The following MSR1 variants were observed in gnomAD, a reference collection of about 807,000 sequenced individuals.
MSR1 encodes the protein macrophage scavenger receptor types I and II.
A neutral mutation model predicts 47.2 loss-of-function variants in MSR1; 53 were observed. That is an observed-to-expected ratio of 1.12 (90% CI 0.90 to 1.41). The LOEUF (loss-of-function observed/expected upper bound fraction) is 1.41, where lower values mean the gene tolerates loss of function less well. Among genes scored for constraint, MSR1 ranks in the 40% most tolerant of loss-of-function variants. The pLI is 0.00. For missense variants in MSR1, 786 were observed against 546.9 expected, an observed-to-expected ratio of 1.44 and a Z score of -4.36; for synonymous variants, 239 against 185.6, an observed-to-expected ratio of 1.29 and a Z score of -2.34.
In MSR1 at chr8:16,120,522, G is replaced by T; in HGVS notation, c.1118C>A (p.Thr373Lys). The T allele has an allele frequency of 6.2e-7, 1 of 1,608,260 alleles. No homozygotes were observed. The change falls in exon 9 of 10, where the codon ACA (threonine) becomes AAA (lysine). Residue 373 changes from threonine (T) to lysine (K), a missense_variant. Thr to Lys is a moderately conservative substitution (Grantham distance 78). Transcript: ENST00000262101. The stretch of plus-strand genomic sequence containing the variant: ...CACTTCCCAGCGATCGTCACAAATT[G>T]TACCCCACTGGCCGCTGTGGAGTAT... ...VEILHSGQWG[T>K]ICDDRWEVRV...
intron 8 of MSR1, among the ~76,000 whole-genome samples, chr8:16,139,148 T>C (rs1168797548): frequency 2.0e-5 from 3 of 152,234 alleles, no homozygotes; most frequent in Non-Finnish European, 4.4e-5. Context: ...CTATCTAATA[T>C]AAAATCTTTT....
At chr8:16,145,872 T>C (rs570620744) in intron 7 of MSR1, among the ~76,000 whole-genome samples, 124 of 152,256 alleles carry the variant, frequency 8.1e-4, no homozygotes, top group African/African-American at 2.9e-3. Context: ...TGGTTAAAAA[T>C]GAATGCAAGG....
chr8:16,164,005 C>T, intron 5 of MSR1, 60 bp downstream of exon 5: 2 of 1,290,450 alleles, frequency 1.5e-6, no homozygotes, highest in South Asian at 1.4e-5. Flanking sequence ...CAAATCTCTG[C>T]ATGTATCAGT....
intron 3 of MSR1, among the ~76,000 whole-genome samples, chr8:16,172,390 C>G (rs1801511109): frequency 6.6e-6 from 1 of 152,076 alleles, no homozygotes; most frequent in South Asian, 2.1e-4. Context: ...TGAGTGAAAA[C>G]TAATTTTTCT....
Position 16,155,132 on chromosome 8 carries a change from G to A in MSR1, c.830C>T (p.Pro277Leu), listed in dbSNP as rs746464652. ...ACCTCGATCTCCTTTTTCACCCGGGGGTCCAGGAGGACCTTTAAAAAAATT... is the reference window on the plus strand; with the variant it reads ...ACCTCGATCTCCTTTTTCACCCGGGAGTCCAGGAGGACCTTTAAAAAAATT... ...NITLIQGPPG[P>L]PGEKGDRGPT... Residue 277 changes from proline (P) to leucine (L), a missense_variant, in exon 6 of 10, where the codon CCC (proline) becomes CTC (leucine). Pro to Leu is a moderately conservative substitution (Grantham distance 98, BLOSUM62 -3). Transcript: ENST00000262101. The A allele has an allele frequency of 2.5e-6, 4 of 1,611,470 alleles. No homozygotes were observed. Among genetic ancestry groups the A allele is most frequent in the Middle Eastern group, 1.7e-4 (1 of 6,050 alleles).
chr8:16,187,009 A>C (rs557854881), intron 1 of MSR1, among the ~76,000 whole-genome samples: 1 of 152,134 alleles, frequency 6.6e-6, no homozygotes, highest in South Asian at 2.1e-4. Flanking sequence ...TTAAAAAGTA[A>C]GGCAGATTGA....
intron 4 of MSR1, among the ~76,000 whole-genome samples, chr8:16,165,742 G>T (rs554911124): frequency 6.6e-6 from 1 of 152,268 alleles, no homozygotes; most frequent in South Asian, 2.1e-4. Context: ...GATGGTCAGA[G>T]TGTAGGACCT....
intron 9 of MSR1, among the ~76,000 whole-genome samples, chr8:16,115,663 T>G (rs912085502): frequency 6.6e-6 from 1 of 152,146 alleles, no homozygotes; most frequent in African/African-American, 2.4e-5. Flanking sequence ...GGTACTGAAC[T>G]CTACGCAGGG....
intron 5 of MSR1, among the ~76,000 whole-genome samples, chr8:16,156,295 T>C (rs1019093797): frequency 3.3e-5 from 5 of 152,098 alleles, no homozygotes; most frequent in Non-Finnish European, 5.9e-5. Flanking sequence ...TAGAATGCAC[T>C]TGTTTACAAA....
intron 8 of MSR1, among the ~76,000 whole-genome samples, chr8:16,136,886 C>T (rs1800404106): frequency 1.3e-5 from 2 of 152,020 alleles, no homozygotes; most frequent in African/African-American, 4.8e-5. Context: ...CACGTGTGAG[C>T]CACCGCTAAT....
chr8:16,132,741 T>C (rs1001801254), intron 8 of MSR1, among the ~76,000 whole-genome samples: 6 of 152,138 alleles, frequency 3.9e-5, no homozygotes, highest in African/African-American at 1.4e-4. Flanking sequence ...CACTGCAGCC[T>C]CCCAAAGTAG....
At chr8:16,110,986 G>C (rs1267899476) in intron 9 of MSR1, among the ~76,000 whole-genome samples, 1 of 151,802 alleles carries the variant, frequency 6.6e-6, no homozygotes, top group African/African-American at 2.4e-5. Flanking sequence ...GGCAGAAGAA[G>C]GAAAAGAAAA....
intron 8 of MSR1, among the ~76,000 whole-genome samples, chr8:16,138,231 C>T (rs1800439096): frequency 6.6e-6 from 1 of 152,066 alleles, no homozygotes. Flanking sequence ...GAAATACTAC[C>T]AAACCACATA....
intron 6 of MSR1, among the ~76,000 whole-genome samples, chr8:16,150,822 T>C (rs1313970098): frequency 8.0e-5 from 12 of 149,828 alleles, no homozygotes. Flanking sequence ...TATTTCATTG[T>C]AATCCCAGGG....
chr8:16,186,287 T>C, intron 1 of MSR1: 6 of 1,251,516 alleles, frequency 4.8e-6, no homozygotes, highest in Non-Finnish European at 6.7e-6. Flanking sequence ...CAGGGTCCAG[T>C]TTCTGTTCTG....
At chr8:16,146,437 T>C (rs981175705) in intron 7 of MSR1, among the ~76,000 whole-genome samples, 20 of 152,152 alleles carry the variant, frequency 1.3e-4, no homozygotes, top group Middle Eastern at 6.8e-3. Flanking sequence ...CTCCTCTGCA[T>C]AGTGAGGCAG....
chr8:16,179,687 C>G (rs747324611), intron 1 of MSR1, among the ~76,000 whole-genome samples: 18 of 151,810 alleles, frequency 1.2e-4, no homozygotes, highest in Admixed American at 2.6e-4. Flanking sequence ...CGAGACCAGC[C>G]TGGCCAACAT....
At chr8:16,122,114 TA>T (rs964196658) in intron 8 of MSR1, among the ~76,000 whole-genome samples, 4 of 152,110 alleles carry the variant, frequency 2.6e-5, no homozygotes, top group African/African-American at 9.7e-5. Flanking sequence ...AATTCAGTGC[TA>T]AATACTGATT....
At chr8:16,191,682 G>A (rs1802203898) in intron 1 of MSR1, among the ~76,000 whole-genome samples, 1 of 152,096 alleles carries the variant, frequency 6.6e-6, no homozygotes, top group Non-Finnish European at 1.5e-5. Context: ...AACACAGGCA[G>A]TCTACTCCCA....
Sources: gnomAD v4.1 joint callset for allele counts (sites outside exome capture counted in the v4.1 genomes callset) on GRCh38, gnomAD v4.1.1 for gene constraint, MANE v1.5 for transcripts, NCBI Gene and HGNC (gene_info 2026-07-23, HGNC 2026-07-21) for gene names.